Variants in CPNE6 observed in about 807,000 individuals in gnomAD.
CPNE6 encodes the protein copine 6.
A neutral mutation model predicts 71.5 loss-of-function variants in CPNE6; 33 were observed. That is an observed-to-expected ratio of 0.46 (90% CI 0.35 to 0.62). The LOEUF (loss-of-function observed/expected upper bound fraction) is 0.62. CPNE6 is among the 20% of genes least tolerant of loss of function. The probability of loss-of-function intolerance (pLI) is 0.00; values close to 1 mark genes in which losing one functional copy is unlikely to be tolerated. For synonymous variants in CPNE6, 296 were observed against 293.0 expected, an observed-to-expected ratio of 1.01 and a Z score of -0.10; for missense variants, 576 against 747.3, an observed-to-expected ratio of 0.77 and a Z score of 2.67.
intron 14 of CPNE6, 107 bp from the exon 14 acceptor site, chr14:24,076,772 C>G: frequency 1.3e-6 from 2 of 1,561,790 alleles, no homozygotes; most frequent in East Asian, 4.5e-5. Context: ...TGAAGGAACT[C>G]GAGGGGAGGG....
chr14:24,077,155 A>G lies in CPNE6; in HGVS notation c.1301A>G (p.Lys434Arg). Reference sequence around the variant, plus strand: ...TCCACCCTCTCTGCTTGCCCTCAGAAGTACTCGGTGCTGCTGGTGCTCACT... The same window carrying G: ...TCCACCCTCTCTGCTTGCCCTCAGAGGTACTCGGTGCTGCTGGTGCTCACT... Residue 434 changes from lysine (K) to arginine (R), a missense_variant and splice_region_variant, in exon 16 of 18, where the codon AAG (lysine) becomes AGG (arginine). Around this residue, in one of 4 missense-constraint regions of CPNE6, gnomAD observed 264 missense variants for 339.9 expected, o/e 0.78. Coordinates refer to ENST00000397016, the Ensembl canonical transcript of CPNE6. This position sits in a 1 kb window ranked among gnomAD's most constrained non-coding sequence, Gnocchi z 6.1. The G allele has an allele frequency of 6.2e-7, 1 of 1,601,834 alleles. No individual in the cohort carries two copies. Among genetic ancestry groups the G allele is most frequent in the Non-Finnish European group, 8.5e-7 (1 of 1,178,228 alleles).
At chr14:24,076,629 C>T (rs2036075162) in intron 14 of CPNE6, 72 bp downstream of exon 13, 1 of 1,585,450 alleles carries the variant, frequency 6.3e-7, no homozygotes, top group Non-Finnish European at 8.6e-7. Flanking sequence ...GACTCCACTC[C>T]CCAGGGCCCA....
rs150792296 is a variant in CPNE6 at position 24,077,638 on chromosome 14, C to T, written c.1582C>T (p.Arg528Trp). The change falls in exon 17 of 18, where the codon CGG (arginine) becomes TGG (tryptophan). Residue 528 changes from arginine (R) to tryptophan (W), a missense_variant. By Grantham distance (101) the Arg-to-Trp change is moderately radical (BLOSUM62 -3). Transcript: ENST00000397016. The surrounding 1 kb of genome is among the most constrained non-coding windows in gnomAD (Gnocchi z 6.1). ...CAAGTGTGTCCTGGCTGAGGTGCCA[C>T]GGCAGGTGGTGGAGTACTACGCCAG... The T allele has an allele frequency of 4.4e-6, 7 of 1,597,198 alleles. No individual in the cohort carries two copies. The highest frequency in any genetic ancestry group is 1.1e-5 in the South Asian group (1 of 88,276).
Position 24,076,462 on chromosome 14 carries a change from G to C in CPNE6, c.1114-44G>C, listed in dbSNP as rs199585181. 29 of 1,614,186 alleles carry C rather than the reference G, an allele frequency of 1.8e-5. No individual in the cohort carries two copies. The African/African-American group carries it at 3.1e-4, about 17-fold the overall frequency. ...AAGGAGATGGGGGGCGTGTCAGTCA[G>C]GCAGAAAAGGCAGGCCCTCACTGCT... On this transcript the variant is annotated intron_variant, in intron 13 of 17. Coordinates refer to ENST00000397016, the Ensembl canonical transcript of CPNE6.
At position 24,077,514 on chromosome 14, in the gene CPNE6, A is replaced by G; in HGVS notation, c.1537-79A>G. On this transcript the variant is annotated intron_variant, in intron 16 of 17. Transcript: ENST00000397016. This position sits in a 1 kb window ranked among gnomAD's most constrained non-coding sequence, Gnocchi z 6.1. ...GCGGGAGCCCAGCTGGCCACCCTGA[A>G]GCCCCACTTCTCCCTCAGATGACCC... 1 of 1,584,664 alleles carries G rather than the reference A, an allele frequency of 6.3e-7. No individual in the cohort carries two copies. Among genetic ancestry groups the G allele is most frequent in the Non-Finnish European group, 8.6e-7 (1 of 1,156,766 alleles).
intron 14 of CPNE6, 33 bp downstream of exon 13, chr14:24,076,590 C>T (rs1016000494): frequency 6.2e-7 from 1 of 1,613,028 alleles, no homozygotes. Context: ...GCCCCGCCTC[C>T]CCGCAGACAC....
rs1338285543 is a variant in CPNE6 at position 24,073,147 on chromosome 14, C to T, written c.168+43C>T. 3 of 1,417,758 alleles carry T rather than the reference C, an allele frequency of 2.1e-6. No individual in the cohort carries two copies. The highest frequency in any genetic ancestry group is 5.6e-5 in the Admixed American group (2 of 35,672). The allele number at this position is 1,417,758 out of a possible 1,614,324, so 87.8% of individuals were successfully genotyped here. The stretch of plus-strand genomic sequence containing the variant: ...TTCTCCTTAACTAACCTGGGTTAAG[C>T]TTGGGAAAGAGGGAGGCTGGGTGGG... On this transcript the variant is annotated intron_variant, in intron 3 of 17. Coordinates refer to ENST00000397016, the Ensembl canonical transcript of CPNE6. The surrounding 1 kb of genome is among the most constrained non-coding windows in gnomAD (Gnocchi z 5.5).
At position 24,077,490 on chromosome 14, in the gene CPNE6, C is replaced by G; in HGVS notation, c.1536+100C>G. On this transcript the variant is annotated intron_variant, in intron 16 of 17. Coordinates refer to ENST00000397016, the Ensembl canonical transcript of CPNE6. The surrounding 1 kb of genome is among the most constrained non-coding windows in gnomAD (Gnocchi z 6.1). Reference sequence around the variant, plus strand: ...ACCATTTGATGTCCTGCTAAGGACGCGGGAGCCCAGCTGGCCACCCTGAAG... The same window carrying G: ...ACCATTTGATGTCCTGCTAAGGACGGGGGAGCCCAGCTGGCCACCCTGAAG... The G allele has an allele frequency of 6.4e-7, 1 of 1,565,328 alleles. No individual in the cohort carries two copies. Among genetic ancestry groups the G allele is most frequent in the Non-Finnish European group, 8.8e-7 (1 of 1,137,062 alleles).
At position 24,077,162 on chromosome 14, in the gene CPNE6, G is replaced by T. The variant is rs753708738; in HGVS notation, c.1308G>T (p.Ser436=). The change falls in exon 16 of 18, where the codon TCG becomes TCT. Residue 436 remains serine (S), a synonymous_variant. Coordinates refer to ENST00000397016, the Ensembl canonical transcript of CPNE6. This position sits in a 1 kb window ranked among gnomAD's most constrained non-coding sequence, Gnocchi z 6.1. ...TCTCTGCTTGCCCTCAGAAGTACTC[G>T]GTGCTGCTGGTGCTCACTGACGGTG... is the stretch of plus-strand genomic sequence containing the variant. The T allele has an allele frequency of 1.2e-6, 2 of 1,603,262 alleles. No individual in the cohort carries two copies. The highest frequency in any genetic ancestry group is 3.3e-5 in the Admixed American group (2 of 59,988).
chr14:24,075,549 G>T lies in CPNE6; in HGVS notation c.822G>T (p.Lys274Asn). The T allele has an allele frequency of 2.5e-6, 4 of 1,612,858 alleles. No individual in the cohort carries two copies. Among genetic ancestry groups the T allele is most frequent in the Non-Finnish European group, 3.4e-6 (4 of 1,179,504 alleles). ...ACCCCAAGTATCGGGACAAGAAGAA[G>T]AATTACAAGAGCTCAGGGACGGTAG... Residue 274 changes from lysine to asparagine, a missense_variant, in exon 10 of 18, where the codon AAG (lysine) becomes AAT (asparagine). Lys to Asn is a moderately conservative substitution (Grantham distance 94). This residue lies in a region of CPNE6 where 214 missense variants were observed against 291.2 expected (regional missense o/e 0.73). Coordinates refer to ENST00000397016, the Ensembl canonical transcript of CPNE6. This position sits in a 1 kb window ranked among gnomAD's most constrained non-coding sequence, Gnocchi z 4.3.
At chr14:24,071,501 G>GGGGGCCCCCCCC in intron 1 of CPNE6, 61 bp from the exon 1 acceptor site, 20 of 1,416,668 alleles carry the variant, frequency 1.4e-5, no homozygotes, top group Non-Finnish European at 1.7e-5. Flanking sequence ...CTGGTGCTGC[G>GGGGGCCCCCCCC]CCCCCCCCCA....
chr14:24,075,793 C>A lies in CPNE6; in HGVS notation c.865-34C>A. On this transcript the variant is annotated intron_variant, in intron 10 of 17. Coordinates refer to ENST00000397016, the Ensembl canonical transcript of CPNE6. The surrounding 1 kb of genome is among the most constrained non-coding windows in gnomAD (Gnocchi z 4.3). The stretch of plus-strand genomic sequence containing the variant: ...AAGCTCCCTCCTCAAAGGACCACCC[C>A]ATCCCCTCGCCTTACCCCTCTCCCT... 6.2e-7 allele frequency: 1 copy of A among 1,602,004 alleles called. No homozygotes were observed. Among genetic ancestry groups the A allele is most frequent in the South Asian group, 1.1e-5 (1 of 90,798 alleles).
Position 24,075,181 on chromosome 14 carries a change from T to C in CPNE6, c.682T>C (p.Tyr228His). ...CCCCCTGCCTTCTCAGTTCCTGGTG[T>C]ATGACTATGACTCCAGTGGGAAGCA... The change falls in exon 9 of 18, where the codon TAT (tyrosine) becomes CAT (histidine). Residue 228 changes from tyrosine (Y) to histidine (H), a missense_variant. Tyr to His is a moderately conservative substitution (Grantham distance 83). Around this residue, in one of 4 missense-constraint regions of CPNE6, gnomAD observed 214 missense variants for 291.2 expected, o/e 0.73. Transcript: ENST00000397016. The surrounding 1 kb of genome is among the most constrained non-coding windows in gnomAD (Gnocchi z 4.3). 6.2e-7 allele frequency: 1 copy of C among 1,613,688 alleles called. No homozygotes were observed. The highest frequency in any genetic ancestry group is 1.1e-5 in the South Asian group (1 of 91,040).
intron 1 of CPNE6, 61 bp from the exon 1 acceptor site, chr14:24,071,501 G>GGGGCCCCCCCC: frequency 9.1e-5 from 129 of 1,416,610 alleles, no homozygotes; most frequent in Non-Finnish European, 1.1e-4. Flanking sequence ...CTGGTGCTGC[G>GGGGCCCCCCCC]CCCCCCCCCA....
At position 24,077,839 on chromosome 14, in the gene CPNE6, TG is replaced by T; in HGVS notation, c.*38-46del. The T allele has an allele frequency of 8.0e-7, 1 of 1,252,928 alleles. No homozygotes were observed. Among genetic ancestry groups the T allele is most frequent in the Non-Finnish European group, 1.1e-6 (1 of 941,036 alleles). The allele number at this position is 1,252,928 out of a possible 1,614,324, so 77.6% of individuals were successfully genotyped here. ...GGGGCTTGGTAGAGCCCAACTAGGC[TG>T]GGTGTAGTGTAGAAGAGAGTGCTTA... On this transcript the variant is annotated intron_variant, in intron 17 of 17. Coordinates refer to ENST00000397016, the Ensembl canonical transcript of CPNE6. The surrounding 1 kb of genome is among the most constrained non-coding windows in gnomAD (Gnocchi z 6.1).
At position 24,077,871 on chromosome 14, in the gene CPNE6, C is replaced by T. The variant is rs1339714396; in HGVS notation, c.*38-17C>T. The T allele has an allele frequency of 1.2e-6, 1 of 866,382 alleles. No individual in the cohort carries two copies. The highest frequency in any genetic ancestry group is 2.9e-5 in the East Asian group (1 of 34,086). 53.7% of individuals were successfully genotyped at this position (866,382 alleles called of 1,614,324 possible). ...AGTGTAGAAGAGAGTGCTTATGACTCTCCCACCCCCTCCCAGGTGCCTGTC... is the reference window on the plus strand; with the variant it reads ...AGTGTAGAAGAGAGTGCTTATGACTTTCCCACCCCCTCCCAGGTGCCTGTC... On this transcript the variant is annotated splice_polypyrimidine_tract_variant and intron_variant, in intron 17 of 17. Transcript: ENST00000397016. The surrounding 1 kb of genome is among the most constrained non-coding windows in gnomAD (Gnocchi z 6.1).
Position 24,074,399 on chromosome 14 carries a change from C to T in CPNE6, c.498+34C>T, listed in dbSNP as rs552364639. ...CCCAGAGTCCAGGCCCCCAACTCCC[C>T]TGTCACTCCTAGGCCTCCCACTCAA... On this transcript the variant is annotated intron_variant, in intron 6 of 17. Transcript: ENST00000397016. The surrounding 1 kb of genome is among the most constrained non-coding windows in gnomAD (Gnocchi z 4.5). The T allele has an allele frequency of 1.7e-5, 27 of 1,548,380 alleles. 2 individuals carry two copies. The South Asian group carries it at 3.2e-4, about 19-fold the overall frequency.
In CPNE6 at chr14:24,075,569, C is replaced by T. The variant is rs773704385; in HGVS notation, c.842C>T (p.Thr281Met). Residue 281 changes from threonine (T) to methionine (M), a missense_variant, in exon 10 of 18, where the codon ACG becomes ATG. Physicochemically the swap from Thr to Met is moderately conservative, Grantham distance 81. Transcript: ENST00000397016. The surrounding 1 kb of genome is among the most constrained non-coding windows in gnomAD (Gnocchi z 4.3). ...AAGAAGAATTACAAGAGCTCAGGGA[C>T]GGTAGTGCTGGCCCAGTGCACGGTA... 24 of 1,611,916 alleles carry T rather than the reference C, an allele frequency of 1.5e-5. No individual in the cohort carries two copies. Among genetic ancestry groups the T allele is most frequent in the Admixed American group, 6.7e-5 (4 of 59,638 alleles).
chr14:24,071,317 C>A (rs894883607), intron 1 of CPNE6: 1 of 1,428,568 alleles, frequency 7.0e-7, no homozygotes. Context: ...CGCATCTCTG[C>A]GATTCTGGGT....
Sources: allele counts gnomAD v4.1 joint callset, GRCh38; gene constraint gnomAD v4.1.1; regional missense constraint gnomAD v4.1.1; non-coding constraint Gnocchi (gnomAD v3.1); transcripts MANE v1.5; gene names NCBI Gene and HGNC (gene_info 2026-07-23, HGNC 2026-07-21).